The following FRAS1 variants were observed in gnomAD, a reference collection of about 807,000 sequenced individuals.
FRAS1 encodes the protein Fraser extracellular matrix complex subunit 1, also known as extracellular matrix organizing protein FRAS1.
FRAS1 carries 290 observed loss-of-function variants against 435.2 expected under a neutral mutation model. The ratio of observed to expected loss-of-function variants is 0.67; its 90% CI spans 0.61 to 0.73. The LOEUF is 0.73. Among genes scored for constraint, FRAS1 ranks in the 30% least tolerant of loss-of-function variants. The pLI is 0.00. For missense variants in FRAS1, 4,860 were observed against 5,001.5 expected (o/e 0.97, Z 0.85); for synonymous variants, 1,800 against 1,851.0 (o/e 0.97, Z 0.71).
chr4:78,066,098 C>T (rs950937710), intron 2 of FRAS1, 82 bp downstream of exon 2: 11 of 925,344 alleles, frequency 1.2e-5, no homozygotes, highest in East Asian at 9.8e-5. Flanking sequence ...TGAGTTGACC[C>T]TATCATTGTA....
intron 40 of FRAS1, among the ~76,000 whole-genome samples, chr4:78,439,357 C>T (rs1399664379): frequency 6.6e-6 from 1 of 152,154 alleles, no homozygotes; most frequent in Non-Finnish European, 1.5e-5. Flanking sequence ...AATATTATAT[C>T]TTTGAGGAGT....
chr4:78,299,938 C>T (rs897224296), intron 14 of FRAS1, among the ~76,000 whole-genome samples: 1 of 152,214 alleles, frequency 6.6e-6, no homozygotes, highest in Non-Finnish European at 1.5e-5. Flanking sequence ...CAGCTGAGAA[C>T]GTGCCTTACA....
rs1396706879 is a variant in FRAS1, at chr4:78,464,586, A to G, written c.7029+3A>G. ...AGGCGGTGGATGCTGACACAGAGGT[A>G]AGAGCACTTCTTCCCATGGGTTCTC... On this transcript the variant is annotated splice_donor_region_variant and intron_variant, in intron 49 of 73. Coordinates refer to ENST00000512123, the MANE Select transcript of FRAS1 (RefSeq NM_025074.7). 6.2e-7 allele frequency: 1 copy of G among 1,613,546 alleles called. No homozygotes were observed. The highest frequency in any genetic ancestry group is 1.1e-5 in the South Asian group (1 of 91,002).
At chr4:78,225,005 C>T (rs191335509) in intron 2 of FRAS1, among the ~76,000 whole-genome samples, 1 of 152,240 alleles carries the variant, frequency 6.6e-6, no homozygotes, top group Admixed American at 6.5e-5. Context: ...AAATCCAGTG[C>T]ATGATAAATT....
intron 27 of FRAS1, 23 bp from the exon 28 acceptor site, chr4:78,384,036 T>TG (rs1732124113): frequency 6.5e-7 from 1 of 1,542,632 alleles, no homozygotes; most frequent in African/African-American, 1.4e-5. Context: ...ATTTTCTTAT[T>TG]CCTTTCTTTG....
At chr4:78,166,291 T>G (rs1176389863) in intron 2 of FRAS1, among the ~76,000 whole-genome samples, 1 of 152,046 alleles carries the variant, frequency 6.6e-6, no homozygotes, top group African/African-American at 2.4e-5. Context: ...AGAAAACATT[T>G]CAAGACCATT....
At chr4:78,287,812 C>T (rs1727682111) in intron 14 of FRAS1, among the ~76,000 whole-genome samples, 1 of 152,086 alleles carries the variant, frequency 6.6e-6, no homozygotes, top group African/African-American at 2.4e-5. Context: ...GTTGTGGAAA[C>T]CATGTTGAAA....
At chr4:78,111,518 C>T (rs1244087179) in intron 2 of FRAS1, among the ~76,000 whole-genome samples, 2 of 62,004 alleles carry the variant, frequency 3.2e-5, no homozygotes, top group African/African-American at 6.5e-5. Context: ...AACCAAACAC[C>T]GCATATTCTC....
At chr4:78,285,892 T>A (rs1013694072) in intron 13 of FRAS1, among the ~76,000 whole-genome samples, 16 of 152,242 alleles carry the variant, frequency 1.1e-4, no homozygotes, top group African/African-American at 3.9e-4. Context: ...ATTTTTGTAA[T>A]TATTCACTCC....
At position 78,472,282 on chromosome 4, in the gene FRAS1, G is replaced by T. The variant is rs1397367389; in HGVS notation, c.7474G>T (p.Val2492Leu). 6.2e-7 allele frequency: 1 copy of T among 1,612,522 alleles called. No individual in the cohort carries two copies. Among genetic ancestry groups the T allele is most frequent in the Non-Finnish European group, 8.5e-7 (1 of 1,179,092 alleles). ...EITTGPKHGF[V>L]ENKLQPGRAA... ...AACGACGGGCCCTAAGCATGGCTTT[G>T]TGGAGAACAAGCTGCAGCCTGGCAG... The change falls in exon 52 of 74, where the codon GTG (valine) becomes TTG (leucine). Residue 2492 changes from valine (V) to leucine (L), a missense_variant. Transcript: ENST00000512123.
intron 59 of FRAS1, among the ~76,000 whole-genome samples, chr4:78,493,973 C>T (rs1422429352): frequency 1.3e-5 from 2 of 152,098 alleles, no homozygotes; most frequent in African/African-American, 4.8e-5. Flanking sequence ...AGGCACACAT[C>T]CTCATTGGTC....
chr4:78,276,307 T>C (rs894836878), intron 9 of FRAS1, among the ~76,000 whole-genome samples: 4 of 152,232 alleles, frequency 2.6e-5, no homozygotes, highest in African/African-American at 9.6e-5. Flanking sequence ...AGCCTTCTTC[T>C]CTCAGCTCGT....
chr4:78,213,884 G>A (rs549727156), intron 2 of FRAS1, among the ~76,000 whole-genome samples: 98 of 152,208 alleles, frequency 6.4e-4, no homozygotes, highest in Non-Finnish European at 1.2e-3. Flanking sequence ...TCACCTACAA[G>A]TAGGGTGCTT....
rs754692926 is a variant in FRAS1, at chr4:78,237,628, C to T, written c.216+11C>T. ...TGTGCCTTTGAGAAGGTACGGTATC[C>T]TAATTGTGTCCTAAATGTATTGGTA... On this transcript the variant is annotated intron_variant, in intron 3 of 73. Transcript: ENST00000512123. 6.7e-7 allele frequency: 1 copy of T among 1,500,142 alleles called. No individual in the cohort carries two copies. Among genetic ancestry groups the T allele is most frequent in the Non-Finnish European group, 9.2e-7 (1 of 1,088,030 alleles). 92.9% of individuals were successfully genotyped at this position (1,500,142 alleles called of 1,614,324 possible).
chr4:78,481,321 CAGTT>C (rs1269149758), intron 56 of FRAS1, among the ~76,000 whole-genome samples: 6 of 152,202 alleles, frequency 3.9e-5, no homozygotes, highest in Non-Finnish European at 7.3e-5. Context: ...GAAATCAACT[CAGTT>C]AGGAACATTT....
At chr4:78,457,640 C>T (rs1719244221) in intron 47 of FRAS1, among the ~76,000 whole-genome samples, 2 of 152,194 alleles carry the variant, frequency 1.3e-5, no homozygotes, top group African/African-American at 4.8e-5. Flanking sequence ...CACCGACGTA[C>T]CCACGAAAGT....
rs185136969 is a variant in FRAS1 at position 78,308,746 on chromosome 4, G to A, written c.1678+537G>A. On this transcript the variant is annotated intron_variant, in intron 15 of 73. Transcript: ENST00000512123. Reference sequence around the variant, plus strand: ...CCTTGAACCAGGCACGGTTCCAAGTGCTTTATAAATATTAACCCACTGAGA... The same window carrying A: ...CCTTGAACCAGGCACGGTTCCAAGTACTTTATAAATATTAACCCACTGAGA... Among the ~76,000 whole-genome samples the A allele has an allele frequency of 2.3e-3, 346 of 152,298 alleles. 2 individuals carry two copies. Among genetic ancestry groups the A allele is most frequent in the Non-Finnish European group, 4.1e-3 (281 of 68,028 alleles).
At chr4:78,138,516 T>C (rs2109993788) in intron 2 of FRAS1, among the ~76,000 whole-genome samples, 1 of 152,320 alleles carries the variant, frequency 6.6e-6, no homozygotes, top group South Asian at 2.1e-4. Flanking sequence ...TAACTATATA[T>C]TATTGCTGCT....
At chr4:78,302,119 C>G (rs1459258873) in intron 14 of FRAS1, among the ~76,000 whole-genome samples, 2 of 149,302 alleles carry the variant, frequency 1.3e-5, no homozygotes, top group Admixed American at 6.7e-5. Flanking sequence ...GTTTTTTGTT[C>G]TTGAGATAGT....
Sources: gnomAD v4.1 joint callset for allele counts (sites outside exome capture counted in the v4.1 genomes callset) on GRCh38, gnomAD v4.1.1 for gene constraint, MANE v1.5 for transcripts, NCBI Gene and HGNC (gene_info 2026-07-23, HGNC 2026-07-21) for gene names.